The following LINGO2 variants were observed in gnomAD, a reference collection of about 807,000 sequenced individuals.
LINGO2 encodes the protein leucine-rich repeat and immunoglobulin-like domain-containing nogo receptor-interacting protein 2.
LINGO2 carries 14 observed loss-of-function variants against 30.6 expected under a neutral mutation model. That is an observed-to-expected ratio of 0.46 (90% CI 0.30 to 0.72). The LOEUF is 0.72. Ranked by LOEUF, LINGO2 falls within the 30% of genes least tolerant of loss-of-function variation. The pLI is 0.07. For synonymous variants in LINGO2, 317 were observed against 288.5 expected, an observed-to-expected ratio of 1.10 and a Z score of -1.00; for missense variants, 729 against 751.7, an observed-to-expected ratio of 0.97 and a Z score of 0.35.
Position 28,546,169 on chromosome 9 carries a change from T to A in LINGO2, c.-364-70144A>T, listed in dbSNP as rs76387709. 8.7e-3 allele frequency among the ~76,000 whole-genome samples: 1,327 copies of A among 152,072 alleles called. 24 individuals carry two copies. Among genetic ancestry groups the A allele is most frequent in the Non-Finnish European group, 0.011 (764 of 67,990 alleles). ...GTGAAAAAGAAAAAAGGCCTTTAGA[T>A]CGATTAGTTTTCTTTTAATATAAAT... On this transcript the variant is annotated intron_variant, in intron 1 of 5. Transcript: ENST00000379992.
chr9:28,621,029 T>C (rs1365858371), intron 1 of LINGO2, among the ~76,000 whole-genome samples: 1 of 152,024 alleles, frequency 6.6e-6, no homozygotes, highest in Non-Finnish European at 1.5e-5. Context: ...TGTCTAAAAA[T>C]TTATTTGGAT....
intron 1 of LINGO2, among the ~76,000 whole-genome samples, chr9:28,509,675 T>C (rs999860314): frequency 3.9e-5 from 6 of 152,070 alleles, no homozygotes; most frequent in Non-Finnish European, 7.4e-5. Context: ...TACGTCCTCA[T>C]AAGAGAAGAG....
At chr9:28,307,109 C>G (rs4463520) in intron 3 of LINGO2, among the ~76,000 whole-genome samples, 52,974 of 151,752 alleles carry the variant, frequency 0.35, 10,095 homozygotes, top group Non-Finnish European at 0.43. Context: ...TACCAAAGCC[C>G]GGCAGAGACA....
chr9:27,962,630 C>T (rs895896602), intron 5 of LINGO2, among the ~76,000 whole-genome samples: 4 of 152,222 alleles, frequency 2.6e-5, no homozygotes, highest in South Asian at 2.1e-4. Context: ...AGCTTAGAAA[C>T]TGTGGAGGAA....
At chr9:28,621,030 T>A (rs969596584) in intron 1 of LINGO2, among the ~76,000 whole-genome samples, 17 of 151,952 alleles carry the variant, frequency 1.1e-4, no homozygotes, top group African/African-American at 4.1e-4. Flanking sequence ...GTCTAAAAAT[T>A]TATTTGGATA....
At chr9:28,051,123 AC>A (rs1257464666) in intron 4 of LINGO2, among the ~76,000 whole-genome samples, 4 of 150,690 alleles carry the variant, frequency 2.7e-5, no homozygotes, top group Non-Finnish European at 5.9e-5. Flanking sequence ...CTATGTGAAA[AC>A]CATTTCAGAA....
chr9:29,091,645 T>C, the LINGO2 span, among the ~76,000 whole-genome samples: 1 of 152,006 alleles, frequency 6.6e-6, no homozygotes, highest in Non-Finnish European at 1.5e-5. Context: ...GGTACTTTAC[T>C]GGAATTGGAT....
At chr9:28,472,027 A>C (rs1825539547) in intron 2 of LINGO2, among the ~76,000 whole-genome samples, 1 of 152,188 alleles carries the variant, frequency 6.6e-6, no homozygotes, top group South Asian at 2.1e-4. Context: ...AATTCAAGAA[A>C]GGTGTTGCCT....
At chr9:28,645,118 G>T (rs1351289931) in intron 1 of LINGO2, among the ~76,000 whole-genome samples, 3 of 152,076 alleles carry the variant, frequency 2.0e-5, no homozygotes, top group Admixed American at 1.3e-4. Flanking sequence ...TTATCCGATG[G>T]TTCTAAAATC....
the LINGO2 span, among the ~76,000 whole-genome samples, chr9:28,954,840 C>A: frequency 1.3e-5 from 2 of 152,104 alleles, no homozygotes; most frequent in African/African-American, 4.8e-5. Context: ...TACCACTTTC[C>A]ACCTTCAGTA....
At chr9:28,509,224 A>G (rs1327246661) in intron 1 of LINGO2, among the ~76,000 whole-genome samples, 10 of 152,156 alleles carry the variant, frequency 6.6e-5, no homozygotes, top group Admixed American at 6.5e-4. Flanking sequence ...GTGTGGCTTA[A>G]TTTCCCTCAA....
At chr9:28,342,256 T>C (rs764129784) in intron 3 of LINGO2, among the ~76,000 whole-genome samples, 10 of 152,316 alleles carry the variant, frequency 6.6e-5, no homozygotes, top group Non-Finnish European at 1.3e-4. Flanking sequence ...TCTATGTTGT[T>C]ACTTGTCCTT....
chr9:28,547,379 C>T (rs1366159110), intron 1 of LINGO2, among the ~76,000 whole-genome samples: 1 of 152,016 alleles, frequency 6.6e-6, no homozygotes, highest in Non-Finnish European at 1.5e-5. Flanking sequence ...TTAAAATGTT[C>T]CATTTGCATC....
At chr9:29,043,885 C>A in the LINGO2 span, among the ~76,000 whole-genome samples, 1 of 151,964 alleles carries the variant, frequency 6.6e-6, no homozygotes, top group Non-Finnish European at 1.5e-5. Context: ...ATGAACAATG[C>A]ACTGCTACTC....
intron 4 of LINGO2, among the ~76,000 whole-genome samples, chr9:28,064,902 A>G (rs112247648): frequency 2.0e-5 from 3 of 151,940 alleles, no homozygotes; most frequent in African/African-American, 7.2e-5. Flanking sequence ...GACCTAAACC[A>G]TAGAACATCT....
In LINGO2 at chr9:28,194,490, G is replaced by C. The variant is rs189138707; in HGVS notation, c.-87+100718C>G. Among the ~76,000 whole-genome samples, 211 of 146,588 alleles carry C rather than the reference G, an allele frequency of 1.4e-3. 2 individuals carry two copies. Among genetic ancestry groups the C allele is most frequent in the African/African-American group, 4.9e-3 (194 of 39,600 alleles). ...AGATTTGAAGAGCAGTCTGACTCCA[G>C]AGTACATTATCTCAATCACTTCATC... On this transcript the variant is annotated intron_variant, in intron 4 of 5. Coordinates refer to ENST00000379992, the Ensembl canonical transcript of LINGO2.
At chr9:28,070,092 C>T (rs1825429267) in intron 4 of LINGO2, among the ~76,000 whole-genome samples, 1 of 152,154 alleles carries the variant, frequency 6.6e-6, no homozygotes, top group Non-Finnish European at 1.5e-5. Flanking sequence ...TTCGCCAGAT[C>T]ACCTAAACCT....
chr9:28,515,840 G>T (rs2135382364), intron 1 of LINGO2, among the ~76,000 whole-genome samples: 2 of 152,322 alleles, frequency 1.3e-5, no homozygotes, highest in African/African-American at 4.8e-5. Context: ...TGGGTAAAAT[G>T]TTATCAGAAA....
intron 2 of LINGO2, among the ~76,000 whole-genome samples, chr9:28,412,201 A>AC (rs1564183589): frequency 6.8e-6 from 1 of 146,242 alleles, no homozygotes; most frequent in Non-Finnish European, 1.5e-5. Context: ...AAAAAAAAAA[A>AC]AAAACCTTGT....
Sources: allele counts gnomAD v4.1 joint callset (sites outside exome capture counted in the v4.1 genomes callset), GRCh38; gene constraint gnomAD v4.1.1; transcripts MANE v1.5; gene names NCBI Gene and HGNC (gene_info 2026-07-23, HGNC 2026-07-21).